The following STAU2 variants were observed in gnomAD, a reference collection of about 807,000 sequenced individuals.
STAU2 encodes staufen double-stranded RNA binding protein 2, also known as double-stranded RNA-binding protein Staufen homolog 2.
Under a neutral mutation model 65.9 loss-of-function variants are expected in STAU2, and 20 were observed. The ratio of observed to expected loss-of-function variants is 0.30; its 90% CI spans 0.21 to 0.44. The LOEUF (loss-of-function observed/expected upper bound fraction) is 0.44. STAU2 is among the 20% of genes least tolerant of loss of function. The pLI, the probability that STAU2 is intolerant of heterozygous loss-of-function variation, is 1.00. For missense variants in STAU2, 558 were observed against 683.9 expected, an observed-to-expected ratio of 0.82 and a Z score of 2.05; for synonymous variants, 232 against 233.9, an observed-to-expected ratio of 0.99 and a Z score of 0.07.
At position 73,729,572 on chromosome 8, in the gene STAU2, C is replaced by T. The variant is rs78746997; in HGVS notation, c.-18+8712G>A. Among the ~76,000 whole-genome samples the T allele has an allele frequency of 3.3e-3, 507 of 152,116 alleles. 2 individuals are homozygous for T. The highest frequency in any genetic ancestry group is 0.011 in the African/African-American group (440 of 41,490). On this transcript the variant is annotated intron_variant, in intron 3 of 14. Coordinates refer to ENST00000524300, the MANE Select transcript of STAU2 (RefSeq NM_001164380.2). Reference sequence around the variant, plus strand: ...AGAGAAGCAATATGGTACTGGACTTCTGATTGGGAGTTTTTGTTTTGTTTT... The same window carrying T: ...AGAGAAGCAATATGGTACTGGACTTTTGATTGGGAGTTTTTGTTTTGTTTT...
chr8:73,659,104 G>GTTTTTT (rs1816626319), intron 6 of STAU2, among the ~76,000 whole-genome samples: 1 of 152,072 alleles, frequency 6.6e-6, no homozygotes, highest in Non-Finnish European at 1.5e-5. Flanking sequence ...GATTCATAAA[G>GTTTTTT]GAACCCTCCA....
chr8:73,735,138 C>T (rs1806344104), intron 3 of STAU2, among the ~76,000 whole-genome samples: 1 of 152,052 alleles, frequency 6.6e-6, no homozygotes, highest in Admixed American at 6.5e-5. Context: ...ACTATGTTGC[C>T]CAAGCTGGTC....
chr8:73,551,189 C>T, intron 13 of STAU2: 7 of 987,484 alleles, frequency 7.1e-6, no homozygotes, highest in Non-Finnish European at 8.4e-6. Flanking sequence ...CTAGAGTTTA[C>T]AATTCTTTCA....
rs560169347 is a variant in STAU2 at position 73,496,651 on chromosome 8, C to G, written c.1530+55361G>C. 2.0e-5 allele frequency among the ~76,000 whole-genome samples: 3 copies of G among 151,746 alleles called. No individual in the cohort carries two copies. The East Asian group carries it at 5.8e-4, about 29-fold the overall frequency. On this transcript the variant is annotated intron_variant, in intron 13 of 14. Transcript: ENST00000524300. ...GCCACATCTAAAAAGTAAAAAGAAA[C>G]AGATGAAATTAATTTTAATAATATT... is the stretch of plus-strand genomic sequence containing the variant.
At chr8:73,699,546 T>A (rs962927866) in intron 4 of STAU2, among the ~76,000 whole-genome samples, 3 of 151,968 alleles carry the variant, frequency 2.0e-5, no homozygotes, top group Admixed American at 6.6e-5. Flanking sequence ...AGCAACTATA[T>A]GCCAAAAAAT....
intron 6 of STAU2, among the ~76,000 whole-genome samples, chr8:73,661,303 A>G (rs1816814172): frequency 6.6e-6 from 1 of 152,214 alleles, no homozygotes; most frequent in African/African-American, 2.4e-5. Context: ...CAAACACCCT[A>G]TAAGGTAAAT....
At chr8:73,736,249 G>A (rs150836662) in intron 3 of STAU2, among the ~76,000 whole-genome samples, 2 of 152,274 alleles carry the variant, frequency 1.3e-5, no homozygotes, top group African/African-American at 4.8e-5. Context: ...CGTGGTTATT[G>A]TTGAAAAATA....
chr8:73,738,848 C>T (rs2130779584), intron 2 of STAU2, among the ~76,000 whole-genome samples: 1 of 152,302 alleles, frequency 6.6e-6, no homozygotes, highest in African/African-American at 2.4e-5. Context: ...CAAGTATTCT[C>T]TTAGATGGTA....
At chr8:73,577,713 A>G (rs1288713257) in intron 12 of STAU2, among the ~76,000 whole-genome samples, 1 of 152,164 alleles carries the variant, frequency 6.6e-6, no homozygotes, top group African/African-American at 2.4e-5. Flanking sequence ...AGCATGTGAC[A>G]GTCTGTTTCC....
intron 13 of STAU2, chr8:73,550,881 AC>A: frequency 1.4e-5 from 14 of 987,358 alleles, no homozygotes; most frequent in Non-Finnish European, 1.6e-5. Context: ...CATGCAAAAT[AC>A]CCCCCAAAAC....
At chr8:73,475,403 A>C (rs1268134731) in intron 13 of STAU2, among the ~76,000 whole-genome samples, 2 of 152,190 alleles carry the variant, frequency 1.3e-5, no homozygotes, top group East Asian at 1.9e-4. Flanking sequence ...GAGGCACAGA[A>C]GCTTGATTTG....
chr8:73,651,772 C>T (rs1379385197), intron 6 of STAU2, among the ~76,000 whole-genome samples: 3 of 152,200 alleles, frequency 2.0e-5, no homozygotes, highest in Non-Finnish European at 2.9e-5. Context: ...TGTGCTCTGC[C>T]GGAGACGGGA....
In STAU2 at chr8:73,743,038, C is replaced by A. The variant is rs115670477; in HGVS notation, c.-196-3170G>T. On this transcript the variant is annotated intron_variant, in intron 1 of 14. Coordinates refer to ENST00000524300, the MANE Select transcript of STAU2 (RefSeq NM_001164380.2). ...TCTACTCTTAGACTACAAACTGCTACAAAACTATCAATTCAATGCTTATTA... is the reference window on the plus strand; with the variant it reads ...TCTACTCTTAGACTACAAACTGCTAAAAAACTATCAATTCAATGCTTATTA... 3.1e-3 allele frequency among the ~76,000 whole-genome samples: 472 copies of A among 152,180 alleles called. 2 individuals carry two copies. The highest frequency in any genetic ancestry group is 0.011 in the African/African-American group (444 of 41,514).
At chr8:73,433,479 A>G (rs1339939144) in intron 13 of STAU2, among the ~76,000 whole-genome samples, 1 of 148,690 alleles carries the variant, frequency 6.7e-6, no homozygotes, top group East Asian at 2.0e-4. Flanking sequence ...GCTGGGATTA[A>G]AGGTGTGAGC....
At chr8:73,689,363 T>C (rs930798872) in intron 4 of STAU2, among the ~76,000 whole-genome samples, 1 of 152,214 alleles carries the variant, frequency 6.6e-6, no homozygotes, top group Admixed American at 6.5e-5. Context: ...ATCTTCTTCC[T>C]CTCTCTGCCA....
intron 9 of STAU2, among the ~76,000 whole-genome samples, chr8:73,612,679 A>G (rs1812561040): frequency 6.6e-6 from 1 of 152,212 alleles, no homozygotes; most frequent in Admixed American, 6.5e-5. Context: ...ATATATGTAT[A>G]TATGTATTTT....
intron 3 of STAU2, among the ~76,000 whole-genome samples, chr8:73,717,538 T>TG (rs1168571413): frequency 6.6e-6 from 1 of 152,258 alleles, no homozygotes; most frequent in African/African-American, 2.4e-5. Flanking sequence ...ATTGCCTTTA[T>TG]GTCTTTGTCA....
chr8:73,549,781 A>T, intron 13 of STAU2: 2 of 985,674 alleles, frequency 2.0e-6, no homozygotes, highest in Non-Finnish European at 2.4e-6. Flanking sequence ...GTTCTAACCT[A>T]GAAACACAGA....
intron 4 of STAU2, among the ~76,000 whole-genome samples, chr8:73,706,888 G>T (rs1461484453): frequency 2.0e-5 from 3 of 152,216 alleles, no homozygotes; most frequent in African/African-American, 7.2e-5. Context: ...TAAAAGGTCA[G>T]TTCATAAACC....
Sources: allele counts gnomAD v4.1 joint callset (sites outside exome capture counted in the v4.1 genomes callset), GRCh38; gene constraint gnomAD v4.1.1; transcripts MANE v1.5; gene names NCBI Gene and HGNC (gene_info 2026-07-23, HGNC 2026-07-21).